The following RBFOX3 variants were observed in gnomAD, a reference collection of about 807,000 sequenced individuals.
The protein encoded by RBFOX3 is RNA binding fox-1 homolog 3.
In RBFOX3, 17 loss-of-function variants were observed where a neutral mutation model predicts 48.7. The ratio of observed to expected loss-of-function variants is 0.35; its 90% CI spans 0.24 to 0.52. The LOEUF (loss-of-function observed/expected upper bound fraction) is 0.52, where lower values mean the gene tolerates loss of function less well. RBFOX3 is among the 20% of genes least tolerant of loss of function. The probability of loss-of-function intolerance (pLI) is 0.94; values close to 1 mark genes in which losing one functional copy is unlikely to be tolerated. For missense variants in RBFOX3, 382 were observed against 497.5 expected (o/e 0.77, Z 2.21); for synonymous variants, 212 against 209.5 (o/e 1.01, Z -0.10).
intron 2 of RBFOX3, among the ~76,000 whole-genome samples, chr17:79,462,329 T>C (rs1215545817): frequency 6.6e-6 from 1 of 152,220 alleles, no homozygotes; most frequent in Non-Finnish European, 1.5e-5. Context: ...GCAAGTTCTC[T>C]AACACTGCTG....
At chr17:79,161,710 C>A (rs12451548) in intron 4 of RBFOX3, among the ~76,000 whole-genome samples, 3 of 152,218 alleles carry the variant, frequency 2.0e-5, no homozygotes, top group African/African-American at 7.2e-5. Context: ...ATTCTCCTGC[C>A]TCAGCCTCCT....
chr17:79,095,551 G>A lies in RBFOX3; in HGVS notation c.960C>T (p.Tyr320=), dbSNP rs539897924. 3.3e-4 allele frequency: 512 copies of A among 1,551,420 alleles called. No individual in the cohort carries two copies. The highest frequency in any genetic ancestry group is 4.9e-4 in the South Asian group (41 of 84,010). The change falls in exon 13 of 15, where the codon TAC becomes TAT. Residue 320 remains tyrosine (Y), a synonymous_variant. Transcript: ENST00000693108. ...EIYGGYAAYR[Y]AQPAAAAAAY... ...CTGCCGCCGCTGCAGCGGGCTGAGC[G>A]TATCTGTAGGCTGCGTAGCCTCCCT...
chr17:79,555,992 A>T (rs1364638804), intron 1 of RBFOX3, among the ~76,000 whole-genome samples: 1 of 152,168 alleles, frequency 6.6e-6, no homozygotes, highest in Admixed American at 6.5e-5. Flanking sequence ...TACAGTGAAG[A>T]CAGGCCCCAT....
At chr17:79,193,546 T>C (rs1469512824) in intron 4 of RBFOX3, among the ~76,000 whole-genome samples, 2 of 152,200 alleles carry the variant, frequency 1.3e-5, no homozygotes, top group African/African-American at 4.8e-5. Flanking sequence ...AAAAATATTG[T>C]CTATGGATTT....
At chr17:79,318,849 C>A in intron 2 of RBFOX3, among the ~76,000 whole-genome samples, 1 of 55,740 alleles carries the variant, frequency 1.8e-5, no homozygotes. Flanking sequence ...AGCGAGACTC[C>A]ATCTCAAAAA....
chr17:79,258,842 A>T (rs537649769), intron 3 of RBFOX3, among the ~76,000 whole-genome samples: 1 of 152,258 alleles, frequency 6.6e-6, no homozygotes, highest in Admixed American at 6.5e-5. Flanking sequence ...AGGGTCCTGC[A>T]CCTGGGCCAC....
chr17:79,570,701 T>A (rs1300205140), intron 1 of RBFOX3, among the ~76,000 whole-genome samples: 1 of 152,108 alleles, frequency 6.6e-6, no homozygotes, highest in Non-Finnish European at 1.5e-5. Flanking sequence ...ACCCCACCCC[T>A]GGGGACCCTG....
At position 79,343,035 on chromosome 17, in the gene RBFOX3, G is replaced by A. The variant is rs555519271; in HGVS notation, c.-174-35211C>T. Reference sequence around the variant, plus strand: ...GTAATGCTATATTTCAGATTGAAGAGTGTTGAGTTTTTCTTTCTTTCTCCC... The same window carrying A: ...GTAATGCTATATTTCAGATTGAAGAATGTTGAGTTTTTCTTTCTTTCTCCC... On this transcript the variant is annotated intron_variant, in intron 2 of 14. Transcript: ENST00000693108. 8.5e-5 allele frequency among the ~76,000 whole-genome samples: 13 copies of A among 152,284 alleles called. No homozygotes were observed. The East Asian group carries it at 1.7e-3, about 20-fold the overall frequency.
chr17:79,422,610 G>A lies in RBFOX3; in HGVS notation c.-175+59844C>T, dbSNP rs191936431. On this transcript the variant is annotated intron_variant, in intron 2 of 14. Coordinates refer to ENST00000693108, the MANE Select transcript of RBFOX3 (RefSeq NM_001350451.2). The stretch of plus-strand genomic sequence containing the variant: ...AGGGTCCAGCAGCCTCAGGCTGGGC[G>A]GGGCCAGGCTGGGCAGATGCTGGGT... 2.0e-3 allele frequency among the ~76,000 whole-genome samples: 309 copies of A among 152,326 alleles called. 2 individuals are homozygous for A. Among genetic ancestry groups the A allele is most frequent in the African/African-American group, 7.2e-3 (298 of 41,572 alleles).
chr17:79,207,422 C>T (rs950370884), intron 4 of RBFOX3, among the ~76,000 whole-genome samples: 4 of 152,244 alleles, frequency 2.6e-5, no homozygotes, highest in Non-Finnish European at 5.9e-5. Context: ...CAGGGAGCTA[C>T]GGTCAGAGGT....
chr17:79,477,569 AG>A lies in RBFOX3; in HGVS notation c.-175+4884del, dbSNP rs1237538891. 6.7e-6 allele frequency among the ~76,000 whole-genome samples: 1 copy of A among 149,866 alleles called. No individual in the cohort carries two copies. The highest frequency in any genetic ancestry group is 1.5e-5 in the Non-Finnish European group (1 of 67,544). The stretch of plus-strand genomic sequence containing the variant: ...AAACTCCGTCACCGGAAAAAAAAAA[AG>A]AGGAGGAGGAGTAGGAAAAAAGGGT... On this transcript the variant is annotated intron_variant, in intron 2 of 14. Transcript: ENST00000693108. The surrounding 1 kb of genome is among the most constrained non-coding windows in gnomAD (Gnocchi z 4.8).
At chr17:79,332,910 A>G (rs2080596175) in intron 2 of RBFOX3, among the ~76,000 whole-genome samples, 1 of 117,682 alleles carries the variant, frequency 8.5e-6, no homozygotes, top group African/African-American at 3.3e-5. Context: ...GGACAGAGAG[A>G]GACAGAGGCA....
At chr17:79,218,924 C>A (rs573774528) in intron 4 of RBFOX3, among the ~76,000 whole-genome samples, 53 of 152,334 alleles carry the variant, frequency 3.5e-4, no homozygotes, top group Non-Finnish European at 6.6e-4. Context: ...GGGTGACCAG[C>A]GGTGAGCTTG....
At chr17:79,475,424 G>A (rs34174307) in intron 2 of RBFOX3, among the ~76,000 whole-genome samples, 5,191 of 152,256 alleles carry the variant, frequency 0.034, 158 homozygotes, top group East Asian at 0.13. Context: ...AGGATGAGTC[G>A]TGGGCTGTAG....
chr17:79,263,980 G>A (rs944014308), intron 3 of RBFOX3, among the ~76,000 whole-genome samples: 12 of 152,042 alleles, frequency 7.9e-5, no homozygotes, highest in African/African-American at 2.7e-4. Flanking sequence ...AGAAGGGCTC[G>A]TGGAACCAGA....
chr17:79,262,696 G>A (rs2065985958), intron 3 of RBFOX3, among the ~76,000 whole-genome samples: 1 of 152,214 alleles, frequency 6.6e-6, no homozygotes, highest in African/African-American at 2.4e-5. Context: ...ACGGATCTGT[G>A]GCTGCCCCGT....
intron 1 of RBFOX3, among the ~76,000 whole-genome samples, chr17:79,548,610 C>G (rs1555792713): frequency 1.3e-5 from 2 of 152,242 alleles, no homozygotes. Context: ...AGGGGCCCAG[C>G]TCAGGCCTCA....
the RBFOX3 span, among the ~76,000 whole-genome samples, chr17:79,635,097 A>C: frequency 2.5e-5 from 3 of 118,176 alleles, no homozygotes; most frequent in Non-Finnish European, 5.2e-5. Context: ...AAAAAAAAAA[A>C]AAAACGTTGG....
intron 2 of RBFOX3, among the ~76,000 whole-genome samples, chr17:79,369,776 C>T (rs78909809): frequency 1.3e-5 from 2 of 152,260 alleles, no homozygotes; most frequent in South Asian, 2.1e-4. Flanking sequence ...TCTGCAGCCT[C>T]GGGAAAGATC....
Sources: allele counts gnomAD v4.1 joint callset (sites outside exome capture counted in the v4.1 genomes callset), GRCh38; gene constraint gnomAD v4.1.1; non-coding constraint Gnocchi (gnomAD v3.1); transcripts MANE v1.5; gene names NCBI Gene and HGNC (gene_info 2026-07-23, HGNC 2026-07-21).